Variants in FIBCD1 observed in about 807,000 individuals in gnomAD.
FIBCD1 encodes fibrinogen C domain-containing protein 1.
In FIBCD1, 47 loss-of-function variants were observed where a neutral mutation model predicts 45.1. That is an observed-to-expected ratio of 1.04 (90% CI 0.82 to 1.33). FIBCD1 has a LOEUF of 1.33. FIBCD1 is among the 40% of genes most tolerant of loss of function. FIBCD1 has a pLI of 0.00. For missense variants in FIBCD1, 653 were observed against 682.2 expected, an observed-to-expected ratio of 0.96 and a Z score of 0.48; for synonymous variants, 313 against 308.1, an observed-to-expected ratio of 1.02 and a Z score of -0.17.
rs527762154 is a variant in FIBCD1, at chr9:130,924,170, C to G, written c.712+67G>C. ...GTCTCATGGCTGGGGAACCCTCACC[C>G]CAACTTCCCCGCTCCCCAGAGCTGG... On this transcript the variant is annotated intron_variant, in intron 3 of 6. Coordinates refer to ENST00000372338, the MANE Select transcript of FIBCD1 (RefSeq NM_032843.5). The G allele has an allele frequency of 7.1e-5, 105 of 1,473,590 alleles. No homozygotes were observed. In the Admixed American group the frequency reaches 2.5e-3, roughly 35 times the overall value. 91.3% of individuals were successfully genotyped at this position (1,473,590 alleles called of 1,614,324 possible). A position where few individuals can be genotyped will look rare whatever the true frequency, so the allele number is the denominator to read the frequency against.
chr9:130,931,321 A>C (rs554723459), intron 1 of FIBCD1, among the ~76,000 whole-genome samples: 8 of 152,316 alleles, frequency 5.3e-5, no homozygotes, highest in African/African-American at 1.9e-4. Context: ...CATCCTGGCC[A>C]ACAAGGTGAA....
intron 6 of FIBCD1, 119 bp downstream of exon 6, chr9:130,905,115 T>G: frequency 1.0e-6 from 1 of 990,918 alleles, no homozygotes; most frequent in Admixed American, 3.4e-5. Context: ...AAAAACCTGA[T>G]TACTTTCAAA....
chr9:130,905,000 T>C (rs928337505), intron 6 of FIBCD1, among the ~76,000 whole-genome samples: 2 of 152,250 alleles, frequency 1.3e-5, no homozygotes, highest in African/African-American at 4.8e-5. Context: ...CTGTCTTGTT[T>C]ACTCTTCCAA....
intron 2 of FIBCD1, among the ~76,000 whole-genome samples, chr9:130,927,849 C>T (rs1366281611): frequency 3.3e-5 from 5 of 152,150 alleles, no homozygotes; most frequent in South Asian, 2.1e-4. Flanking sequence ...TTAGTCGAGA[C>T]GGGGTTTCAC....
At position 130,905,377 on chromosome 9, in the gene FIBCD1, G is replaced by A; in HGVS notation, c.983C>T (p.Ala328Val). 1 of 1,613,998 alleles carries A rather than the reference G, an allele frequency of 6.2e-7. No homozygotes were observed. Among genetic ancestry groups the A allele is most frequent in the Non-Finnish European group, 8.5e-7 (1 of 1,179,952 alleles). ...KRIHALTTQA[A>V]YELHVDLEDF... is the part of the protein sequence containing the mutation. ...CTCCAGGTCCACGTGCAGCTCGTAG[G>A]CAGCCTGTGTGGTCAGGGCGTGGAT... The change falls in exon 6 of 7, where the codon GCC becomes GTC. Residue 328 changes from alanine to valine, a missense_variant. Physicochemically the swap from Ala to Val is moderately conservative, Grantham distance 64 (BLOSUM62 0). Transcript: ENST00000372338.
At chr9:130,921,735 T>G (rs1357196321) in intron 4 of FIBCD1, among the ~76,000 whole-genome samples, 1 of 152,246 alleles carries the variant, frequency 6.6e-6, no homozygotes, top group African/African-American at 2.4e-5. Context: ...TGGTGCCTCC[T>G]CACTGTTCCG....
chr9:130,932,436 G>A (rs1166766313), intron 1 of FIBCD1, among the ~76,000 whole-genome samples: 3 of 152,156 alleles, frequency 2.0e-5, no homozygotes, highest in Admixed American at 6.5e-5. Context: ...CTTGGGGGCC[G>A]CGTCCATTCC....
intron 5 of FIBCD1, among the ~76,000 whole-genome samples, chr9:130,909,825 G>C (rs1411108489): frequency 1.3e-5 from 2 of 152,184 alleles, no homozygotes; most frequent in African/African-American, 4.8e-5. Flanking sequence ...TTTAAACATA[G>C]GTAATGATAT....
At chr9:130,916,434 T>C (rs1017961548) in intron 4 of FIBCD1, among the ~76,000 whole-genome samples, 3 of 152,320 alleles carry the variant, frequency 2.0e-5, no homozygotes, top group Admixed American at 2.0e-4. Context: ...TGTGCTAGGA[T>C]CTCGGGCTTG....
chr9:130,916,334 C>T (rs1240977911), intron 4 of FIBCD1, among the ~76,000 whole-genome samples: 2 of 152,264 alleles, frequency 1.3e-5, no homozygotes, highest in African/African-American at 4.8e-5. Flanking sequence ...CCACGGAGTA[C>T]GCCCGCAGTT....
At chr9:130,913,072 T>G (rs1832091945) in intron 4 of FIBCD1, among the ~76,000 whole-genome samples, 1 of 152,006 alleles carries the variant, frequency 6.6e-6, no homozygotes, top group Admixed American at 6.5e-5. Flanking sequence ...CTGGGCTGCC[T>G]CTGTTGTTCA....
intron 1 of FIBCD1, chr9:130,933,727 T>TGGGGGGGGGGGGGGGGGGGGGGGGG (rs1179362614): frequency 5.5e-4 from 28 of 51,336 alleles, no homozygotes; most frequent in Non-Finnish European, 5.8e-4. Flanking sequence ...GGCGGGCGGG[T>TGGGGGGGGGGGGGGGGGGGGGGGGG]GGGGGGGGGG....
intron 4 of FIBCD1, among the ~76,000 whole-genome samples, chr9:130,920,579 G>A (rs1832244997): frequency 6.6e-6 from 1 of 152,178 alleles, no homozygotes; most frequent in South Asian, 2.1e-4. Context: ...CATGGCCACA[G>A]GAGGGTGTGG....
chr9:130,935,830 C>T (rs954748869), intron 1 of FIBCD1, among the ~76,000 whole-genome samples: 6 of 152,196 alleles, frequency 3.9e-5, no homozygotes, highest in African/African-American at 1.4e-4. Flanking sequence ...CCACCAAGCT[C>T]CTAGGGTGGC....
At chr9:130,929,507 C>T in intron 2 of FIBCD1, 60 bp downstream of exon 2, 6 of 1,473,002 alleles carry the variant, frequency 4.1e-6, no homozygotes, top group Non-Finnish European at 5.4e-6. Flanking sequence ...TGGCACATGG[C>T]AGCAGCAGCA....
chr9:130,924,093 G>T, intron 3 of FIBCD1, 144 bp downstream of exon 3: 1 of 1,274,918 alleles, frequency 7.8e-7, no homozygotes. Context: ...TCTGGAGAAT[G>T]GACCGAGAGG....
Position 130,903,006 on chromosome 9 carries a change from C to T in FIBCD1, c.*1058G>A, listed in dbSNP as rs1257537863. 1 of 152,264 alleles carries T rather than the reference C, an allele frequency of 6.6e-6. No individual in the cohort carries two copies. The highest frequency in any genetic ancestry group is 1.5e-5 in the Non-Finnish European group (1 of 68,098). The allele number at this position is 152,264 out of a possible 1,614,324, so 9.4% of individuals were successfully genotyped here. ...TGACCACTCGCCGGGCCGGGCCTGG[C>T]CTGGGTCCAGGTGGCCACGGTCAAT... On this transcript the variant is annotated 3_prime_UTR_variant, in exon 7 of 7. Coordinates refer to ENST00000372338, the MANE Select transcript of FIBCD1 (RefSeq NM_032843.5).
Position 130,924,410 on chromosome 9 carries a change from G to C in FIBCD1, c.553-14C>G, listed in dbSNP as rs527825208. 2 of 1,600,680 alleles carry C rather than the reference G, an allele frequency of 1.2e-6. No homozygotes were observed. Among genetic ancestry groups the C allele is most frequent in the Non-Finnish European group, 1.7e-6 (2 of 1,174,880 alleles). On this transcript the variant is annotated splice_polypyrimidine_tract_variant and intron_variant, in intron 2 of 6. Transcript: ENST00000372338. ...CTCAGAGAGAAGCTGCGGAGCACAG[G>C]GGGTGAGCCGAGGGGGCAGGGGCTC...
intron 4 of FIBCD1, among the ~76,000 whole-genome samples, chr9:130,916,750 C>G (rs537788635): frequency 4.4e-4 from 67 of 152,374 alleles, no homozygotes; most frequent in African/African-American, 1.5e-3. Context: ...ATCCAGGCGT[C>G]CACTTCCCCT....
Sources: gnomAD v4.1 joint callset for allele counts (sites outside exome capture counted in the v4.1 genomes callset) on GRCh38, gnomAD v4.1.1 for gene constraint, MANE v1.5 for transcripts, NCBI Gene and HGNC (gene_info 2026-07-23, HGNC 2026-07-21) for gene names.